BMERB1: variants seen among roughly 807,000 people sequenced by gnomAD.
BMERB1 encodes the protein bMERB domain-containing protein 1.
A neutral mutation model predicts 23.6 loss-of-function variants in BMERB1; 12 were observed. The observed-to-expected ratio is 0.51, with a 90% confidence interval of 0.33 to 0.82. The LOEUF (loss-of-function observed/expected upper bound fraction) is 0.82, where lower values mean the gene tolerates loss of function less well. Ranked by LOEUF, BMERB1 falls within the 40% of genes least tolerant of loss-of-function variation. The pLI is 0.03. For missense variants in BMERB1, 247 were observed against 255.4 expected (o/e 0.97, Z 0.22); for synonymous variants, 122 against 96.6 (o/e 1.26, Z -1.54).
At chr16:15,550,207 T>C (rs2030045718) in intron 2 of BMERB1, among the ~76,000 whole-genome samples, 1 of 152,226 alleles carries the variant, frequency 6.6e-6, no homozygotes, top group African/African-American at 2.4e-5. Flanking sequence ...CCCGAAGTGC[T>C]GGGATTACAG....
chr16:15,473,984 G>T (rs1207042850), intron 1 of BMERB1, among the ~76,000 whole-genome samples: 1 of 151,974 alleles, frequency 6.6e-6, no homozygotes, highest in Non-Finnish European at 1.5e-5. Context: ...GCCGGGCGTG[G>T]TGGCAGGTGC....
chr16:15,553,639 T>C (rs866965505), intron 2 of BMERB1, among the ~76,000 whole-genome samples: 3 of 152,204 alleles, frequency 2.0e-5, no homozygotes, highest in Non-Finnish European at 4.4e-5. Context: ...ATAATTTTCA[T>C]TTATCAGAAA....
chr16:15,523,565 G>A (rs2051877284), intron 2 of BMERB1, among the ~76,000 whole-genome samples: 1 of 152,120 alleles, frequency 6.6e-6, no homozygotes, highest in Admixed American at 6.5e-5. Context: ...CATGGTCTCA[G>A]TCATCAAGCT....
chr16:15,524,989 C>T (rs902026371), intron 2 of BMERB1, among the ~76,000 whole-genome samples: 4 of 152,120 alleles, frequency 2.6e-5, no homozygotes, highest in African/African-American at 9.7e-5. Context: ...TGGTGATTAT[C>T]AATTTTATGC....
chr16:15,567,435 C>T (rs1337414314), intron 2 of BMERB1, among the ~76,000 whole-genome samples: 1 of 152,028 alleles, frequency 6.6e-6, no homozygotes, highest in African/African-American at 2.4e-5. Context: ...CTGGAAGGAG[C>T]TCTATCGAGG....
At position 15,460,534 on chromosome 16, in the gene BMERB1, G is replaced by A. The variant is rs550261337; in HGVS notation, c.106+25775G>A. On this transcript the variant is annotated intron_variant, in intron 1 of 5. Coordinates refer to ENST00000300006, the MANE Select transcript of BMERB1 (RefSeq NM_033201.3). Reference sequence around the variant, plus strand: ...TATCGGAGCAGGATCTGTTGATTTCGTTTTTTAATTTTTTTAATTCATTTG... The same window carrying A: ...TATCGGAGCAGGATCTGTTGATTTCATTTTTTAATTTTTTTAATTCATTTG... Among the ~76,000 whole-genome samples, 218 of 152,164 alleles carry A rather than the reference G, an allele frequency of 1.4e-3. 1 individual carries two copies. Among genetic ancestry groups the A allele is most frequent in the South Asian group, 2.5e-3 (12 of 4,806 alleles).
At chr16:15,461,089 C>T (rs150790297) in intron 1 of BMERB1, among the ~76,000 whole-genome samples, 1,567 of 149,434 alleles carry the variant, frequency 0.01, 10 homozygotes, top group Admixed American at 0.019. Context: ...TGCACCAGTG[C>T]ACTCCAGCCT....
At position 15,526,930 on chromosome 16, in the gene BMERB1, AAAT is replaced by A. The variant is rs979870003; in HGVS notation, c.230+11511_230+11513del. Among the ~76,000 whole-genome samples the A allele has an allele frequency of 4.8e-4, 71 of 148,296 alleles. No homozygotes were observed. The East Asian group carries it at 6.2e-3, about 13-fold the overall frequency. ...ATTCTATGAAGTATGAAATAATAGT[AAAT>A]AATAATAAAATATAATAAATCATAT... is the stretch of plus-strand genomic sequence containing the variant. On this transcript the variant is annotated intron_variant, in intron 2 of 5. Transcript: ENST00000300006.
intron 1 of BMERB1, among the ~76,000 whole-genome samples, chr16:15,443,374 C>A (rs529616850): frequency 1.8e-5 from 2 of 110,544 alleles, no homozygotes; most frequent in African/African-American, 6.9e-5. Context: ...GGCAATGTGG[C>A]GAAACCCTGT....
At chr16:15,527,082 A>G (rs1246390334) in intron 2 of BMERB1, among the ~76,000 whole-genome samples, 1 of 151,826 alleles carries the variant, frequency 6.6e-6, no homozygotes, top group Admixed American at 6.6e-5. Flanking sequence ...GTGGCAAAAT[A>G]TATATAATAT....
At chr16:15,461,149 C>T (rs1246999231) in intron 1 of BMERB1, among the ~76,000 whole-genome samples, 4 of 149,434 alleles carry the variant, frequency 2.7e-5, no homozygotes, top group African/African-American at 7.4e-5. Context: ...AGAAGCTAGG[C>T]GCATCAGGGG....
intron 2 of BMERB1, among the ~76,000 whole-genome samples, chr16:15,533,758 G>C (rs1018000628): frequency 6.6e-6 from 1 of 152,164 alleles, no homozygotes; most frequent in African/African-American, 2.4e-5. Flanking sequence ...TAACAAGAGA[G>C]ACAGTGTCCT....
chr16:15,529,659 C>T (rs1349268263), intron 2 of BMERB1, among the ~76,000 whole-genome samples: 4 of 152,100 alleles, frequency 2.6e-5, no homozygotes, highest in Non-Finnish European at 5.9e-5. Context: ...AGCGTAGGCA[C>T]TCTGAGTGAA....
At chr16:15,442,874 G>T (rs1284396308) in intron 1 of BMERB1, among the ~76,000 whole-genome samples, 2 of 152,148 alleles carry the variant, frequency 1.3e-5, no homozygotes, top group Non-Finnish European at 2.9e-5. Flanking sequence ...GTGCTGTAGA[G>T]ATTAGAGATG....
At chr16:15,539,193 A>T (rs1472840238) in intron 2 of BMERB1, among the ~76,000 whole-genome samples, 1 of 152,154 alleles carries the variant, frequency 6.6e-6, no homozygotes, top group East Asian at 1.9e-4. Flanking sequence ...AGAGTGGCAG[A>T]TCATCAGGCA....
At chr16:15,550,749 T>G (rs1180090331) in intron 2 of BMERB1, among the ~76,000 whole-genome samples, 2 of 152,190 alleles carry the variant, frequency 1.3e-5, no homozygotes, top group African/African-American at 4.8e-5. Context: ...CAGTCTGTTG[T>G]AGTGGCAATT....
At chr16:15,530,970 A>G (rs1598499130) in intron 2 of BMERB1, among the ~76,000 whole-genome samples, 1 of 142,920 alleles carries the variant, frequency 7.0e-6, no homozygotes, top group Non-Finnish European at 1.5e-5. Context: ...CAGTGGCTCA[A>G]TCTTGGCTCA....
intron 1 of BMERB1, among the ~76,000 whole-genome samples, chr16:15,469,658 C>G (rs1196250343): frequency 1.3e-5 from 2 of 152,132 alleles, no homozygotes; most frequent in East Asian, 3.9e-4. Flanking sequence ...ATTCTTAATT[C>G]TTTCTTCAGA....
chr16:15,474,039 G>A (rs2051255423), intron 1 of BMERB1, among the ~76,000 whole-genome samples: 2 of 150,440 alleles, frequency 1.3e-5, no homozygotes, highest in Admixed American at 1.3e-4. Flanking sequence ...AGAATGGCGT[G>A]AACCCAGGAG....
Sources: gnomAD v4.1 joint callset for allele counts (sites outside exome capture counted in the v4.1 genomes callset) on GRCh38, gnomAD v4.1.1 for gene constraint, MANE v1.5 for transcripts, NCBI Gene and HGNC (gene_info 2026-07-23, HGNC 2026-07-21) for gene names.